The following TRPC7 variants were observed in gnomAD, a reference collection of about 807,000 sequenced individuals.
The protein encoded by TRPC7 is short transient receptor potential channel 7.
A neutral mutation model predicts 90.1 loss-of-function variants in TRPC7; 42 were observed. The ratio of observed to expected loss-of-function variants is 0.47; its 90% CI spans 0.36 to 0.60. The LOEUF (loss-of-function observed/expected upper bound fraction) is 0.60, where lower values mean the gene tolerates loss of function less well. Among genes scored for constraint, TRPC7 ranks in the 20% least tolerant of loss-of-function variants. The pLI is 0.00. For synonymous variants in TRPC7, 451 were observed against 436.3 expected, an observed-to-expected ratio of 1.03 and a Z score of -0.42; for missense variants, 955 against 1,112.3, an observed-to-expected ratio of 0.86 and a Z score of 2.01.
rs189286418 is a variant in TRPC7 at position 136,232,909 on chromosome 5, C to T, written c.1845-1360G>A. Among the ~76,000 whole-genome samples, 231 of 152,214 alleles carry T rather than the reference C, an allele frequency of 1.5e-3. 1 individual carries two copies. Among genetic ancestry groups the T allele is most frequent in the Non-Finnish European group, 2.2e-3 (152 of 68,016 alleles). ...ATTTCAGGTTTTCAACACTCACCCA[C>T]AAATGGCCAGGATTAGCTAGATCTT... On this transcript the variant is annotated intron_variant, in intron 7 of 11. Coordinates refer to ENST00000513104, the MANE Select transcript of TRPC7 (RefSeq NM_020389.3).
intron 10 of TRPC7, among the ~76,000 whole-genome samples, chr5:136,217,238 C>T (rs770608599): frequency 1.3e-5 from 2 of 152,232 alleles, no homozygotes; most frequent in Non-Finnish European, 2.9e-5. Flanking sequence ...ACAGAGGCAG[C>T]ATTTTCCAGT....
intron 3 of TRPC7, among the ~76,000 whole-genome samples, chr5:136,286,799 ACTC>A (rs1182408139): frequency 6.6e-6 from 1 of 151,588 alleles, no homozygotes; most frequent in Non-Finnish European, 1.5e-5. Context: ...TGGGGCAAGA[ACTC>A]CTTCCTCGGT....
At chr5:136,225,637 A>G (rs1755602135) in intron 9 of TRPC7, among the ~76,000 whole-genome samples, 2 of 152,114 alleles carry the variant, frequency 1.3e-5, no homozygotes, top group African/African-American at 4.8e-5. Context: ...TAACATACTA[A>G]TAAACACTGA....
intron 3 of TRPC7, 110 bp from the exon 4 acceptor site, chr5:136,274,947 G>A: frequency 6.3e-6 from 8 of 1,276,906 alleles, no homozygotes; most frequent in Admixed American, 2.6e-5. Context: ...TGCTCCACCT[G>A]GGGGGTGGTT....
chr5:136,274,893 A>G (rs1757313791), intron 3 of TRPC7, 56 bp from the exon 4 acceptor site: 1 of 1,530,086 alleles, frequency 6.5e-7, no homozygotes, highest in African/African-American at 1.4e-5. Context: ...TGGCATTGAT[A>G]GCACTTGAAC....
chr5:136,255,076 G>T (rs1372917075), intron 5 of TRPC7, among the ~76,000 whole-genome samples: 1 of 152,194 alleles, frequency 6.6e-6, no homozygotes, highest in Non-Finnish European at 1.5e-5. Context: ...TCTTATGGAT[G>T]AGCAAAGAAA....
chr5:136,231,654 GAGTGC>G (rs1755820904), intron 7 of TRPC7, 105 bp from the exon 8 acceptor site: 1 of 1,065,432 alleles, frequency 9.4e-7, no homozygotes, highest in African/African-American at 1.6e-5. Flanking sequence ...GCCTAGGCTG[GAGTGC>G]AGTGGCTCAA....
chr5:136,298,863 A>C (rs573332642), intron 3 of TRPC7, among the ~76,000 whole-genome samples: 1 of 152,248 alleles, frequency 6.6e-6, no homozygotes, highest in East Asian at 1.9e-4. Flanking sequence ...AAAAACAAAA[A>C]ATGAAAAAAC....
chr5:136,311,766 C>T (rs796066224), intron 3 of TRPC7, among the ~76,000 whole-genome samples: 1 of 152,114 alleles, frequency 6.6e-6, no homozygotes, highest in Non-Finnish European at 1.5e-5. Context: ...GGGGAAGAGT[C>T]GTATCCCTGA....
chr5:136,300,461 A>G (rs1303847647), intron 3 of TRPC7, among the ~76,000 whole-genome samples: 1 of 152,058 alleles, frequency 6.6e-6, no homozygotes, highest in Non-Finnish European at 1.5e-5. Flanking sequence ...ACTGGAAGCT[A>G]CTCGCCTCTC....
At chr5:136,308,299 G>T (rs1278332768) in intron 3 of TRPC7, among the ~76,000 whole-genome samples, 1 of 152,212 alleles carries the variant, frequency 6.6e-6, no homozygotes, top group African/African-American at 2.4e-5. Flanking sequence ...AGTGCTTAGA[G>T]GAATTCCCAA....
intron 3 of TRPC7, among the ~76,000 whole-genome samples, chr5:136,279,715 A>C (rs1231845821): frequency 6.6e-6 from 1 of 152,210 alleles, no homozygotes; most frequent in Non-Finnish European, 1.5e-5. Flanking sequence ...AAAGAAGTGG[A>C]AGCTATTTCC....
intron 2 of TRPC7, among the ~76,000 whole-genome samples, chr5:136,320,332 A>G (rs1759153192): frequency 6.6e-6 from 1 of 152,110 alleles, no homozygotes; most frequent in Non-Finnish European, 1.5e-5. Flanking sequence ...TATTGCTTGG[A>G]CTAACCCTAG....
Position 136,357,285 on chromosome 5 carries a change from C to T in TRPC7, c.103G>A (p.Glu35Lys). 1 of 1,612,816 alleles carries T rather than the reference C, an allele frequency of 6.2e-7. No homozygotes were observed. The highest frequency in any genetic ancestry group is 8.5e-7 in the Non-Finnish European group (1 of 1,179,892). The change falls in exon 2 of 12, where the codon GAG becomes AAG. Residue 35 changes from glutamate to lysine, a missense_variant. Coordinates refer to ENST00000513104, the MANE Select transcript of TRPC7 (RefSeq NM_020389.3). ...TCGGGCGTCAGACTGGTGCCCTTCTCGTTGAACATGTAGGCGGGACCCCGG... is the reference window on the plus strand; with the variant it reads ...TCGGGCGTCAGACTGGTGCCCTTCTTGTTGAACATGTAGGCGGGACCCCGG... The part of the protein sequence containing the change: ...AIRGPAYMFN[E>K]KGTSLTPEEE...
chr5:136,266,155 T>G (rs1432446627), intron 5 of TRPC7, 65 bp downstream of exon 5: 1 of 1,438,806 alleles, frequency 7.0e-7, no homozygotes, highest in Non-Finnish European at 9.8e-7. Flanking sequence ...AATTCAGAAA[T>G]CAGAGTTTAA....
chr5:136,316,255 C>G (rs1283557834), intron 2 of TRPC7, among the ~76,000 whole-genome samples: 1 of 152,110 alleles, frequency 6.6e-6, no homozygotes, highest in Non-Finnish European at 1.5e-5. Context: ...ACTTTTAGGG[C>G]TGATGTAAAT....
intron 5 of TRPC7, among the ~76,000 whole-genome samples, chr5:136,265,725 A>G (rs1757002644): frequency 6.6e-6 from 1 of 152,162 alleles, no homozygotes; most frequent in African/African-American, 2.4e-5. Context: ...GCCTTTTAGT[A>G]CACCCACTTA....
At chr5:136,222,670 C>T (rs1178779547) in intron 10 of TRPC7, among the ~76,000 whole-genome samples, 1 of 152,236 alleles carries the variant, frequency 6.6e-6, no homozygotes, top group Non-Finnish European at 1.5e-5. Flanking sequence ...TCAAATAGGT[C>T]TCTTCCTGGT....
chr5:136,274,576 A>G, intron 4 of TRPC7, 97 bp downstream of exon 4: 1 of 1,274,216 alleles, frequency 7.8e-7, no homozygotes, highest in African/African-American at 1.5e-5. Flanking sequence ...AAATATGGGA[A>G]AAAATCAGCT....
Sources: gnomAD v4.1 joint callset for allele counts (sites outside exome capture counted in the v4.1 genomes callset) on GRCh38, gnomAD v4.1.1 for gene constraint, MANE v1.5 for transcripts, NCBI Gene and HGNC (gene_info 2026-07-23, HGNC 2026-07-21) for gene names.